ADAMTSL3: variants seen among roughly 807,000 people sequenced by gnomAD.
ADAMTSL3 encodes ADAMTS-like protein 3.
Under a neutral mutation model 201.7 loss-of-function variants are expected in ADAMTSL3, and 128 were observed. The ratio of observed to expected loss-of-function variants is 0.63; its 90% confidence interval spans 0.55 to 0.73. ADAMTSL3 has a LOEUF of 0.73. Among genes scored for constraint, ADAMTSL3 ranks in the 30% least tolerant of loss-of-function variants. ADAMTSL3 has a pLI of 0.00. For synonymous variants in ADAMTSL3, 738 were observed against 748.4 expected, an observed-to-expected ratio of 0.99 and a Z score of 0.23; for missense variants, 1,990 against 2,119.6, an observed-to-expected ratio of 0.94 and a Z score of 1.20.
intron 4 of ADAMTSL3, among the ~76,000 whole-genome samples, chr15:83,775,812 T>C (rs2063063115): frequency 6.6e-6 from 1 of 152,200 alleles, no homozygotes; most frequent in Admixed American, 6.5e-5. Context: ...CACAACACTT[T>C]GGCTTGGTAA....
chr15:83,732,492 T>C (rs973869798), intron 3 of ADAMTSL3, among the ~76,000 whole-genome samples: 2 of 152,128 alleles, frequency 1.3e-5, no homozygotes, highest in African/African-American at 4.8e-5. Flanking sequence ...TGGTATTCCT[T>C]AAAATTTTGA....
rs115712922 is a variant in ADAMTSL3, at chr15:83,764,062, C to T, written c.190-9461C>T. Among the ~76,000 whole-genome samples the T allele has an allele frequency of 4.9e-3, 753 of 152,300 alleles. 4 individuals carry two copies. The highest frequency in any genetic ancestry group is 0.017 in the African/African-American group (715 of 41,566). On this transcript the variant is annotated intron_variant, in intron 3 of 29. Coordinates refer to ENST00000286744, the MANE Select transcript of ADAMTSL3 (RefSeq NM_207517.3). ...TTTAATACAGAAGCCTGGGAGTCATCCTAACATCTCCTTTCTTCCTGCATC... is the reference window on the plus strand; with the variant it reads ...TTTAATACAGAAGCCTGGGAGTCATTCTAACATCTCCTTTCTTCCTGCATC...
chr15:83,965,995 G>A (rs1366452665), intron 19 of ADAMTSL3, among the ~76,000 whole-genome samples: 1 of 152,124 alleles, frequency 6.6e-6, no homozygotes, highest in Non-Finnish European at 1.5e-5. Flanking sequence ...TAAGAACAAA[G>A]ACACAATGTA....
intron 10 of ADAMTSL3, among the ~76,000 whole-genome samples, chr15:83,887,081 C>A (rs2065407939): frequency 6.6e-6 from 1 of 152,174 alleles, no homozygotes; most frequent in African/African-American, 2.4e-5. Context: ...CTCCTGGGAA[C>A]TAACTAGACA....
chr15:83,773,487 G>GT (rs748187436), intron 3 of ADAMTSL3, 36 bp from the exon 4 acceptor site: 4 of 1,599,360 alleles, frequency 2.5e-6, no homozygotes, highest in Admixed American at 1.7e-5. Context: ...TTTATTGTGT[G>GT]GTTTTTTTTT....
At chr15:83,915,617 T>G (rs1315351273) in intron 16 of ADAMTSL3, among the ~76,000 whole-genome samples, 1 of 152,180 alleles carries the variant, frequency 6.6e-6, no homozygotes. Context: ...GTTAACATAA[T>G]CAATTTCAGA....
rs571875718 is a variant in ADAMTSL3, at chr15:84,008,104, G to A, written c.3974-6438G>A. Among the ~76,000 whole-genome samples, 17 of 152,236 alleles carry A rather than the reference G, an allele frequency of 1.1e-4. No individual in the cohort carries two copies. In the South Asian group the frequency reaches 3.5e-3, roughly 32 times the overall value. On this transcript the variant is annotated intron_variant, in intron 23 of 29. Transcript: ENST00000286744. ...TAAGTGTGAATTGCTAACTTCAGTT[G>A]TCAGGTTTGTTTGTTTGTTTTTTGA...
In ADAMTSL3 at chr15:83,913,021, ACTC is replaced by A. The variant is rs769391170; in HGVS notation, c.1701-65_1701-63del. ...TATTTTTGCCTTCGTTGAATGTGTC[ACTC>A]CTCCTTTTCTGGCCTATATTTAATG... On this transcript the variant is annotated intron_variant, in intron 15 of 29. Transcript: ENST00000286744. 2.6e-4 allele frequency: 382 copies of A among 1,489,470 alleles called. 1 individual carries two copies. The highest frequency in any genetic ancestry group is 3.2e-4 in the Non-Finnish European group (350 of 1,096,682). The allele number at this position is 1,489,470 out of a possible 1,614,324, so 92.3% of individuals were successfully genotyped here.
At chr15:83,865,374 T>TAC (rs1189427064) in intron 8 of ADAMTSL3, among the ~76,000 whole-genome samples, 1 of 152,162 alleles carries the variant, frequency 6.6e-6, no homozygotes, top group African/African-American at 2.4e-5. Flanking sequence ...ACTACAAGGC[T>TAC]ACAGTAACCA....
chr15:83,809,426 C>T (rs1332160308), intron 5 of ADAMTSL3, among the ~76,000 whole-genome samples: 1 of 152,170 alleles, frequency 6.6e-6, no homozygotes, highest in Non-Finnish European at 1.5e-5. Context: ...TCACAGCCCA[C>T]CTGCACCAAG....
chr15:83,958,642 A>G (rs1242268920), intron 19 of ADAMTSL3, among the ~76,000 whole-genome samples: 1 of 152,244 alleles, frequency 6.6e-6, no homozygotes, highest in Non-Finnish European at 1.5e-5. Flanking sequence ...AAAAGTATCA[A>G]TAGCATACCA....
At chr15:83,999,777 C>T (rs904306959) in intron 23 of ADAMTSL3, among the ~76,000 whole-genome samples, 4 of 143,942 alleles carry the variant, frequency 2.8e-5, no homozygotes, top group African/African-American at 1.0e-4. Flanking sequence ...TTTTCTTAAT[C>T]GGGATTTTTT....
intron 9 of ADAMTSL3, among the ~76,000 whole-genome samples, chr15:83,872,287 T>C (rs2065095194): frequency 6.6e-6 from 1 of 152,140 alleles, no homozygotes; most frequent in African/African-American, 2.4e-5. Flanking sequence ...GGGTCTGCCG[T>C]GGTCCACACC....
chr15:83,896,249 T>C (rs1485245474), intron 13 of ADAMTSL3, among the ~76,000 whole-genome samples: 1 of 152,134 alleles, frequency 6.6e-6, no homozygotes, highest in Non-Finnish European at 1.5e-5. Context: ...GCCTGTCCCA[T>C]AGCAGGTAAC....
chr15:83,796,895 T>C (rs2141840264), intron 4 of ADAMTSL3, among the ~76,000 whole-genome samples: 1 of 152,278 alleles, frequency 6.6e-6, no homozygotes, highest in East Asian at 1.9e-4. Flanking sequence ...ATGTAAAGAA[T>C]AAATTCCAAG....
intron 1 of ADAMTSL3, 79 bp from the exon 2 acceptor site, chr15:83,655,650 T>A: frequency 2.9e-6 from 3 of 1,022,226 alleles, no homozygotes; most frequent in Non-Finnish European, 4.4e-6. Flanking sequence ...GGTCCCTCCA[T>A]CTAATGGGTC....
intron 19 of ADAMTSL3, among the ~76,000 whole-genome samples, chr15:83,945,073 G>A (rs1432160635): frequency 2.0e-5 from 3 of 152,158 alleles, no homozygotes; most frequent in East Asian, 1.9e-4. Flanking sequence ...GCCACTGAAG[G>A]TCTACATAAA....
At chr15:83,987,664 C>T (rs1291518095) in intron 21 of ADAMTSL3, among the ~76,000 whole-genome samples, 1 of 152,040 alleles carries the variant, frequency 6.6e-6, no homozygotes, top group African/African-American at 2.4e-5. Context: ...ATGAAGTGAA[C>T]AACATATGCA....
At chr15:83,991,245 T>G (rs976118737) in intron 23 of ADAMTSL3, 31 bp downstream of exon 23, 22 of 1,613,282 alleles carry the variant, frequency 1.4e-5, no homozygotes, top group Non-Finnish European at 1.7e-5. Flanking sequence ...GGGAGGCCAT[T>G]TCAGTGGGAG....
Sources: gnomAD v4.1 joint callset for allele counts (sites outside exome capture counted in the v4.1 genomes callset) on GRCh38, gnomAD v4.1.1 for gene constraint, MANE v1.5 for transcripts, NCBI Gene and HGNC (gene_info 2026-07-23, HGNC 2026-07-21) for gene names.